Variants in DLG2 observed in about 807,000 individuals in gnomAD.
DLG2 encodes disks large homolog 2.
In DLG2, 45 loss-of-function variants were observed where a neutral mutation model predicts 132.5. The ratio of observed to expected loss-of-function variants is 0.34; its 90% confidence interval spans 0.27 to 0.44. The LOEUF (loss-of-function observed/expected upper bound fraction) is 0.44, where lower values mean the gene tolerates loss of function less well. Ranked by LOEUF, DLG2 falls within the 20% of genes least tolerant of loss-of-function variation. The probability of loss-of-function intolerance (pLI) is 1.00; values close to 1 mark genes in which losing one functional copy is unlikely to be tolerated. For synonymous variants in DLG2, 424 were observed against 419.6 expected, an observed-to-expected ratio of 1.01 and a Z score of -0.13; for missense variants, 1,045 against 1,196.9, an observed-to-expected ratio of 0.87 and a Z score of 1.87.
chr11:84,599,420 T>C (rs76990113), intron 6 of DLG2, among the ~76,000 whole-genome samples: 9,438 of 152,258 alleles, frequency 0.062, 355 homozygotes, highest in South Asian at 0.1. Flanking sequence ...TCCAGGCATG[T>C]TGGGTCATTC....
intron 11 of DLG2, among the ~76,000 whole-genome samples, chr11:84,050,874 T>C (rs1320959678): frequency 2.6e-5 from 4 of 152,146 alleles, no homozygotes; most frequent in African/African-American, 9.6e-5. Context: ...TGCATTGGTC[T>C]ACATCTCTGT....
At chr11:84,352,699 A>C (rs1418055913) in intron 7 of DLG2, among the ~76,000 whole-genome samples, 2 of 152,208 alleles carry the variant, frequency 1.3e-5, no homozygotes. Flanking sequence ...TTAATGTCTT[A>C]AAATAACTTT....
At chr11:83,712,355 G>A (rs547370820) in intron 18 of DLG2, among the ~76,000 whole-genome samples, 11 of 152,210 alleles carry the variant, frequency 7.2e-5, no homozygotes, top group Admixed American at 1.3e-4. Context: ...TTTGCCGGGC[G>A]TGGTGGCTTA....
chr11:84,557,840 A>G (rs968447563), intron 6 of DLG2, among the ~76,000 whole-genome samples: 2 of 152,128 alleles, frequency 1.3e-5, no homozygotes, highest in Non-Finnish European at 2.9e-5. Context: ...GACTATATGC[A>G]TCTTCAATTT....
chr11:83,792,628 C>G (rs2041872267), intron 17 of DLG2, among the ~76,000 whole-genome samples: 1 of 152,052 alleles, frequency 6.6e-6, no homozygotes. Context: ...TTTCCACTTA[C>G]TAATATACCT....
intron 14 of DLG2, among the ~76,000 whole-genome samples, chr11:83,961,071 A>T (rs779635164): frequency 1.5e-4 from 23 of 152,052 alleles, no homozygotes; most frequent in Non-Finnish European, 3.1e-4. Flanking sequence ...TTAAGATTAC[A>T]GTAAGTATAG....
chr11:85,094,947 A>C (rs574316019), intron 6 of DLG2, among the ~76,000 whole-genome samples: 26 of 152,144 alleles, frequency 1.7e-4, no homozygotes, highest in Non-Finnish European at 3.5e-4. Flanking sequence ...TCTTCTTTTC[A>C]CTTGAACACT....
At chr11:84,598,058 C>T (rs2099567935) in intron 6 of DLG2, among the ~76,000 whole-genome samples, 3 of 152,138 alleles carry the variant, frequency 2.0e-5, no homozygotes, top group Admixed American at 2.0e-4. Context: ...GCTCAGAAGG[C>T]TTTATTAAGA....
intron 6 of DLG2, among the ~76,000 whole-genome samples, chr11:84,841,144 A>G (rs1034571769): frequency 2.6e-5 from 4 of 151,962 alleles, no homozygotes; most frequent in Admixed American, 2.6e-4. Context: ...GTAAAGCTTT[A>G]AAATCCGTAA....
chr11:85,019,303 C>T (rs1303883501), intron 6 of DLG2, among the ~76,000 whole-genome samples: 6 of 151,878 alleles, frequency 4.0e-5, no homozygotes, highest in Admixed American at 1.3e-4. Flanking sequence ...TGGGACTAGG[C>T]GCAGACCAAT....
chr11:85,010,901 T>C (rs3862779), intron 6 of DLG2, among the ~76,000 whole-genome samples: 107,593 of 152,028 alleles, frequency 0.71, 39,103 homozygotes, highest in East Asian at 0.92. Flanking sequence ...AAGCAGTTTG[T>C]CTTATAAAGA....
chr11:85,510,777 C>A (rs2094045621), intron 3 of DLG2, among the ~76,000 whole-genome samples: 1 of 152,120 alleles, frequency 6.6e-6, no homozygotes, highest in African/African-American at 2.4e-5. Context: ...GTTGGTGGGA[C>A]TGTAAACTAG....
At chr11:83,701,705 C>T (rs779972617) in intron 18 of DLG2, among the ~76,000 whole-genome samples, 1 of 152,140 alleles carries the variant, frequency 6.6e-6, no homozygotes, top group Non-Finnish European at 1.5e-5. Flanking sequence ...CTTGAAAAGG[C>T]TTGAAATGTG....
intron 3 of DLG2, among the ~76,000 whole-genome samples, chr11:85,473,416 A>G (rs1251783425): frequency 6.6e-6 from 1 of 152,254 alleles, no homozygotes; most frequent in East Asian, 1.9e-4. Flanking sequence ...AACAGCTTCA[A>G]ACAGTTTTAA....
intron 6 of DLG2, among the ~76,000 whole-genome samples, chr11:84,679,596 A>T (rs190752681): frequency 6.6e-5 from 10 of 152,224 alleles, no homozygotes; most frequent in Admixed American, 2.6e-4. Context: ...GGATTAGGAG[A>T]TAAAGAAGAA....
rs1380155628 is a variant in DLG2 at position 84,059,456 on chromosome 11, C to T, written c.778G>A (p.Glu260Lys). 1 of 1,609,572 alleles carries T rather than the reference C, an allele frequency of 6.2e-7. No individual in the cohort carries two copies. The highest frequency in any genetic ancestry group is 1.3e-5 in the African/African-American group (1 of 74,688). Reference sequence around the variant, plus strand: ...TGGGAAACCTCTGACACATCAACCTCATTCACCCGCAAGATACAATCATTG... The same window carrying T: ...TGGGAAACCTCTGACACATCAACCTTATTCACCCGCAAGATACAATCATTG... ...RVNDCILRVN[E>K]VDVSEVSHSK... The change falls in exon 11 of 28, where the codon GAG becomes AAG. Residue 260 changes from glutamate to lysine, a missense_variant. Glu to Lys is a moderately conservative substitution (Grantham distance 56). Transcript: ENST00000376104.
intron 8 of DLG2, among the ~76,000 whole-genome samples, chr11:84,203,791 A>C (rs2154301404): frequency 6.6e-6 from 1 of 152,170 alleles, no homozygotes; most frequent in African/African-American, 2.4e-5. Flanking sequence ...TGTGGGTGAC[A>C]GGAGGGAATG....
intron 15 of DLG2, among the ~76,000 whole-genome samples, chr11:83,914,112 T>C (rs761866356): frequency 5.3e-5 from 8 of 152,140 alleles, no homozygotes; most frequent in Admixed American, 2.0e-4. Flanking sequence ...CATGTTGAAA[T>C]TTCATCCCCA....
intron 4 of DLG2, among the ~76,000 whole-genome samples, chr11:85,225,058 T>C (rs180810477): frequency 1.6e-3 from 250 of 152,316 alleles, no homozygotes; most frequent in African/African-American, 5.7e-3. Context: ...TATAAGTCTT[T>C]GTTTTTCTTC....
Sources: gnomAD v4.1 joint callset for allele counts (sites outside exome capture counted in the v4.1 genomes callset) on GRCh38, gnomAD v4.1.1 for gene constraint, MANE v1.5 for transcripts, NCBI Gene and HGNC (gene_info 2026-07-23, HGNC 2026-07-21) for gene names.